Variants in SHANK2 observed in about 807,000 individuals in gnomAD.
The protein encoded by SHANK2 is SH3 and multiple ankyrin repeat domains 2.
Under a neutral mutation model 133.7 loss-of-function variants are expected in SHANK2, and 43 were observed. That is an observed-to-expected ratio of 0.32 (90% CI 0.25 to 0.41). The LOEUF is 0.41. SHANK2 is among the 10% of genes least tolerant of loss of function. The pLI, the probability that SHANK2 is intolerant of heterozygous loss-of-function variation, is 1.00. For synonymous variants in SHANK2, 1,017 were observed against 952.8 expected (o/e 1.07, Z -1.24); for missense variants, 1,994 against 2,235.8 (o/e 0.89, Z 2.18).
At chr11:70,496,280 G>A (rs1482450885) in intron 21 of SHANK2, among the ~76,000 whole-genome samples, 12 of 152,146 alleles carry the variant, frequency 7.9e-5, no homozygotes, top group Admixed American at 7.2e-4. Context: ...GTTTCCAACT[G>A]GGCCCTTCCA....
chr11:70,564,884 A>T (rs1475265988), intron 17 of SHANK2, among the ~76,000 whole-genome samples: 1 of 152,230 alleles, frequency 6.6e-6, no homozygotes, highest in Non-Finnish European at 1.5e-5. Context: ...AACAAAATTT[A>T]TCATATTAAC....
At chr11:71,087,119 G>T (rs1226023962) in intron 8 of SHANK2, among the ~76,000 whole-genome samples, 1 of 152,212 alleles carries the variant, frequency 6.6e-6, no homozygotes, top group East Asian at 1.9e-4. Context: ...GACCAAGGTG[G>T]CCGGGTGGCT....
Position 70,472,427 on chromosome 11 carries a change from GA to G in SHANK2, c.*441del, listed in dbSNP as rs1364718004. On this transcript the variant is annotated 3_prime_UTR_variant, in exon 26 of 26. Transcript: ENST00000601538. The surrounding 1 kb of genome is among the most constrained non-coding windows in gnomAD (Gnocchi z 4.4). ...TCCTCTGAGAGGCCACAGGACTGAG[GA>G]AAGGCCTCATGCCGGGGCCTGGGGT... 4.4e-5 allele frequency: 11 copies of G among 247,842 alleles called. No individual in the cohort carries two copies. Among genetic ancestry groups the G allele is most frequent in the Non-Finnish European group, 7.9e-5 (10 of 126,688 alleles). The allele number at this position is 247,842 out of a possible 1,614,324, so 15.4% of individuals were successfully genotyped here.
intron 17 of SHANK2, among the ~76,000 whole-genome samples, chr11:70,584,126 G>C (rs1452577580): frequency 6.6e-6 from 1 of 152,180 alleles, no homozygotes; most frequent in Non-Finnish European, 1.5e-5. Flanking sequence ...CAGCGCTTTG[G>C]CTCCACTCTG....
At chr11:70,794,985 G>A (rs1947876507) in intron 14 of SHANK2, among the ~76,000 whole-genome samples, 1 of 152,106 alleles carries the variant, frequency 6.6e-6, no homozygotes, top group African/African-American at 2.4e-5. Context: ...CTCTATAAAA[G>A]AAGATAATAC....
At position 70,473,216 on chromosome 11, in the gene SHANK2, G is replaced by A. The variant is rs1264015553; in HGVS notation, c.5203C>T (p.Pro1735Ser). ...AGGCTAAAGACATCTGAGAGAGCGG[G>A]AGAAGGAGAGGCGGTGGCAGCAGAC... ...PLSAATASPSPALSDVFSLPS... is the reference protein window; with the variant it reads ...PLSAATASPSSALSDVFSLPS... The change falls in exon 26 of 26, where the codon CCC becomes TCC. Residue 1735 changes from proline to serine, a missense_variant. Around this residue, in one of 5 missense-constraint regions of SHANK2, gnomAD observed 797 missense variants for 907.4 expected, o/e 0.88. Coordinates refer to ENST00000601538, the MANE Select transcript of SHANK2 (RefSeq NM_012309.5). This position sits in a 1 kb window ranked among gnomAD's most constrained non-coding sequence, Gnocchi z 5.9. 1 of 1,610,980 alleles carries A rather than the reference G, an allele frequency of 6.2e-7. No individual in the cohort carries two copies. Among genetic ancestry groups the A allele is most frequent in the Non-Finnish European group, 8.5e-7 (1 of 1,177,446 alleles).
At chr11:70,538,968 C>T (rs1241033307) in intron 17 of SHANK2, among the ~76,000 whole-genome samples, 2 of 152,212 alleles carry the variant, frequency 1.3e-5, no homozygotes, top group Non-Finnish European at 2.9e-5. Flanking sequence ...TGGGTTACCC[C>T]GTCGGCCGCC....
At chr11:71,071,565 T>C (rs1316193923) in intron 9 of SHANK2, among the ~76,000 whole-genome samples, 1 of 152,250 alleles carries the variant, frequency 6.6e-6, no homozygotes, top group African/African-American at 2.4e-5. Flanking sequence ...CACAAAGGGC[T>C]GCAGAGAAAA....
chr11:70,947,138 CACA>C (rs1950758097), intron 10 of SHANK2, among the ~76,000 whole-genome samples: 1 of 15,192 alleles, frequency 6.6e-5, no homozygotes, highest in Non-Finnish European at 1.5e-4. Flanking sequence ...CTCCAACACA[CACA>C]CACACACACA....
rs1377251405 is a variant in SHANK2, at chr11:70,469,030, A to G, written c.*3839T>C. 4.6e-5 allele frequency: 7 copies of G among 152,366 alleles called. No individual in the cohort carries two copies. Among genetic ancestry groups the G allele is most frequent in the African/African-American group, 1.7e-4 (7 of 41,580 alleles). The allele number at this position is 152,366 out of a possible 1,614,324, so 9.4% of individuals were successfully genotyped here. On this transcript the variant is annotated 3_prime_UTR_variant, in exon 26 of 26. Transcript: ENST00000601538. ...CTGCCACTCCCTTGGCCTTATGGCT[A>G]GAAGACACCCTGCTGGGGTGTGGGG...
rs1282214294 is a variant in SHANK2 at position 70,468,764 on chromosome 11, A to AGAGG, written c.*4101_*4104dup. On this transcript the variant is annotated 3_prime_UTR_variant, in exon 26 of 26. Transcript: ENST00000601538. ...GAATTTTTCCTGAACGTGGAAGCAT[A>AGAGG]GAGGCTGCTGCTCAACTGGGGAATG... 1 of 152,216 alleles carries AGAGG rather than the reference A, an allele frequency of 6.6e-6. No individual in the cohort carries two copies. The highest frequency in any genetic ancestry group is 1.5e-5 in the Non-Finnish European group (1 of 68,042). The allele number at this position is 152,216 out of a possible 1,614,324, so 9.4% of individuals were successfully genotyped here.
At chr11:70,826,459 T>C in intron 11 of SHANK2, 1 of 471,094 alleles carries the variant, frequency 2.1e-6, no homozygotes, top group South Asian at 1.5e-5. Flanking sequence ...CGACAGCTTT[T>C]TCCTTACCTT....
chr11:70,955,007 C>G (rs781939326), intron 10 of SHANK2, among the ~76,000 whole-genome samples: 23 of 152,224 alleles, frequency 1.5e-4, no homozygotes, highest in Non-Finnish European at 2.9e-4. Flanking sequence ...GGTACCCAAA[C>G]CACCAAGCAC....
intron 14 of SHANK2, among the ~76,000 whole-genome samples, chr11:70,717,496 G>A (rs984891294): frequency 8.5e-5 from 13 of 152,052 alleles, no homozygotes; most frequent in Admixed American, 1.3e-4. Flanking sequence ...CAATAGCCTC[G>A]GGGCGCCCAG....
intron 15 of SHANK2, among the ~76,000 whole-genome samples, chr11:70,676,021 C>T (rs1944899367): frequency 6.6e-6 from 1 of 152,222 alleles, no homozygotes; most frequent in Admixed American, 6.5e-5. Context: ...CTTTTACTCC[C>T]ACCTACAACA....
In SHANK2 at chr11:71,242,096, G is replaced by A. The variant is rs1425268488; in HGVS notation, c.-113+10329C>T. On this transcript the variant is annotated intron_variant, in intron 1 of 25. Coordinates refer to ENST00000601538, the MANE Select transcript of SHANK2 (RefSeq NM_012309.5). The stretch of plus-strand genomic sequence containing the variant: ...TTCTGACACACGCTACAACATGGAT[G>A]AGGCTTGAGAACATTATGCTGAGTG... Among the ~76,000 whole-genome samples, 4 of 152,212 alleles carry A rather than the reference G, an allele frequency of 2.6e-5. No individual in the cohort carries two copies. In the East Asian group the frequency reaches 7.7e-4, roughly 29 times the overall value.
chr11:71,124,727 A>C (rs1243406465), intron 3 of SHANK2, among the ~76,000 whole-genome samples: 1 of 152,164 alleles, frequency 6.6e-6, no homozygotes, highest in African/African-American at 2.4e-5. Flanking sequence ...CTCTCTATAC[A>C]CACCCACTGC....
At chr11:70,902,622 CG>C (rs1555077001) in intron 10 of SHANK2, among the ~76,000 whole-genome samples, 1 of 152,190 alleles carries the variant, frequency 6.6e-6, no homozygotes, top group Non-Finnish European at 1.5e-5. Flanking sequence ...CAGGCGGCAT[CG>C]ATGGCTGAAG....
At chr11:70,708,761 C>T (rs1945718017) in intron 14 of SHANK2, among the ~76,000 whole-genome samples, 1 of 152,186 alleles carries the variant, frequency 6.6e-6, no homozygotes. Context: ...TCATTCTTTT[C>T]CCCAAGTGCT....
Sources: allele counts gnomAD v4.1 joint callset (sites outside exome capture counted in the v4.1 genomes callset), GRCh38; gene constraint gnomAD v4.1.1; regional missense constraint gnomAD v4.1.1; non-coding constraint Gnocchi (gnomAD v3.1); transcripts MANE v1.5; gene names NCBI Gene and HGNC (gene_info 2026-07-23, HGNC 2026-07-21).